The following TRMT2B variants were observed in gnomAD, a reference collection of about 807,000 sequenced individuals.
TRMT2B encodes tRNA (uracil-5-)-methyltransferase homolog B.
Under a neutral mutation model 39.7 loss-of-function variants are expected in TRMT2B, and 34 were observed. The ratio of observed to expected loss-of-function variants is 0.86; its 90% CI spans 0.65 to 1.14. The LOEUF (loss-of-function observed/expected upper bound fraction) is 1.14. Among genes scored for constraint, TRMT2B ranks in the 50% most tolerant of loss-of-function variants. TRMT2B has a pLI of 0.00. For synonymous variants in TRMT2B, 132 were observed against 137.3 expected (o/e 0.96, Z 0.27); for missense variants, 318 against 377.2 (o/e 0.84, Z 1.30).
chrX:101,036,866 C>G (rs1416645281), intron 6 of TRMT2B, 108 bp downstream of exon 6: 12 of 580,943 alleles, frequency 2.1e-5, no homozygotes, highest in Non-Finnish European at 3.2e-5. Flanking sequence ...TCAAAGACTT[C>G]CAATTTAATC....
At chrX:100,980,028 G>C in the TRMT2B span, among the ~76,000 whole-genome samples, 1 of 111,210 alleles carries the variant, frequency 9.0e-6, no homozygotes, top group African/African-American at 3.3e-5. Context: ...CGACCACTGA[G>C]ACTGTGCTGA....
intron 4 of TRMT2B, 132 bp from the exon 5 acceptor site, chrX:101,038,183 C>A (rs1175674497): frequency 2.0e-6 from 1 of 507,128 alleles, no homozygotes; most frequent in African/African-American, 2.4e-5. Context: ...GCCTGACCAA[C>A]ATGAAGAAAT....
chrX:101,030,643 T>G (rs1331680367), intron 7 of TRMT2B, among the ~76,000 whole-genome samples: 4 of 108,718 alleles, frequency 3.7e-5, no homozygotes, highest in Non-Finnish European at 7.6e-5. Flanking sequence ...AGATAGGGTT[T>G]CACCATGTTG....
Position 101,049,659 on chromosome X carries a change from G to A in TRMT2B, c.-24+1592C>T, listed in dbSNP as rs1466099718. Reference sequence around the variant, plus strand: ...ATATACAAAATTAGCTGGGTGTGGTGGCGCACGCCTATAATCCCAGCTACT... The same window carrying A: ...ATATACAAAATTAGCTGGGTGTGGTAGCGCACGCCTATAATCCCAGCTACT... On this transcript the variant is annotated intron_variant, in intron 2 of 13. Transcript: ENST00000372936. 9.1e-5 allele frequency among the ~76,000 whole-genome samples: 10 copies of A among 109,365 alleles called. No homozygotes were observed. The East Asian group carries it at 2.9e-3, about 31-fold the overall frequency. The allele number at this position is 109,365 out of a possible 115,157, so 95.0% of individuals were successfully genotyped here. A position where few individuals can be genotyped will look rare whatever the true frequency, so the allele number is the denominator to read the frequency against.
intron 5 of TRMT2B, 72 bp downstream of exon 5, chrX:101,037,845 C>T (rs2087931629): frequency 9.4e-7 from 1 of 1,062,503 alleles, no homozygotes; most frequent in Non-Finnish European, 1.3e-6. Context: ...AGCAAGTACC[C>T]AGTAAATATC....
chrX:100,996,968 T>A, the TRMT2B span, among the ~76,000 whole-genome samples: 1 of 111,870 alleles, frequency 8.9e-6, no homozygotes, highest in Non-Finnish European at 1.9e-5. Flanking sequence ...GGCCACTGTG[T>A]TTTGAACTAG....
chrX:101,048,119 C>CAT (rs1484143229), intron 2 of TRMT2B, among the ~76,000 whole-genome samples: 1 of 66,122 alleles, frequency 1.5e-5, no homozygotes, highest in Non-Finnish European at 3.1e-5. Context: ...CACATACACA[C>CAT]ACACACACAC....
intron 2 of TRMT2B, among the ~76,000 whole-genome samples, chrX:101,046,274 G>T (rs1331946653): frequency 8.9e-6 from 1 of 111,739 alleles, no homozygotes; most frequent in Admixed American, 9.7e-5. Flanking sequence ...AGAGCAAGAA[G>T]AGATGCTGGT....
In TRMT2B at chrX:101,019,179, A is replaced by G. The variant is rs187330738; in HGVS notation, c.1288+105T>C. 3.7e-4 allele frequency: 417 copies of G among 1,140,710 alleles called. 2 individuals carry two copies. The African/African-American group carries it at 6.8e-3, about 19-fold the overall frequency. The allele number at this position is 1,140,710 out of a possible 1,213,427, so 94.0% of individuals were successfully genotyped here. On this transcript the variant is annotated intron_variant, in intron 12 of 13. Coordinates refer to ENST00000372936, the MANE Select transcript of TRMT2B (RefSeq NM_024917.6). ...GATTGATTAGAAATAGAGGGGAAACAGGTTCAGAGCCAGCCCACTGGGAGC... is the reference window on the plus strand; with the variant it reads ...GATTGATTAGAAATAGAGGGGAAACGGGTTCAGAGCCAGCCCACTGGGAGC...
At chrX:101,038,078 G>A (rs779583995) in intron 4 of TRMT2B, 27 bp from the exon 5 acceptor site, 24 of 1,199,818 alleles carry the variant, frequency 2.0e-5, no homozygotes, top group African/African-American at 1.8e-5. Flanking sequence ...GCTATGAAAC[G>A]AAATACTGGC....
the TRMT2B span, chrX:100,974,311 G>C: frequency 1.3e-5 from 7 of 537,536 alleles, no homozygotes; most frequent in Middle Eastern, 3.2e-4. Flanking sequence ...CCCTCTTTTT[G>C]TGCATAAACA....
chrX:101,001,983 G>A, the TRMT2B span, among the ~76,000 whole-genome samples: 1 of 111,091 alleles, frequency 9.0e-6, no homozygotes. Context: ...TTGCTTTTTT[G>A]TTTTTAACTG....
At chrX:101,005,228 AC>A (rs1291679585), downstream of TRMT2B, among the ~76,000 whole-genome samples, 1 of 111,045 alleles carries the variant, frequency 9.0e-6, no homozygotes, top group Non-Finnish European at 1.9e-5. Context: ...CCCCATCTCT[AC>A]TAAAAATACA....
chrX:100,998,907 A>G, the TRMT2B span, among the ~76,000 whole-genome samples: 13 of 112,175 alleles, frequency 1.2e-4, no homozygotes, highest in African/African-American at 4.2e-4. Context: ...TGACCAAGAT[A>G]TAGCTCTTGT....
At chrX:101,020,748 C>T (rs1424958561) in intron 10 of TRMT2B, among the ~76,000 whole-genome samples, 160 bp from the exon 11 acceptor site, 1 of 112,296 alleles carries the variant, frequency 8.9e-6, no homozygotes, top group African/African-American at 3.2e-5. Flanking sequence ...CAGTTCACTG[C>T]AGCCTCGACC....
chrX:101,005,944 G>A (rs1489190988), downstream of TRMT2B, among the ~76,000 whole-genome samples: 1 of 103,186 alleles, frequency 9.7e-6, no homozygotes, highest in Non-Finnish European at 2.0e-5. Flanking sequence ...ATGTGGGCCA[G>A]GTGCGGTGGC....
At chrX:100,992,886 C>T in the TRMT2B span, among the ~76,000 whole-genome samples, 63 of 111,748 alleles carry the variant, frequency 5.6e-4, no homozygotes, top group African/African-American at 1.9e-3. Flanking sequence ...ATAACCCTTG[C>T]TCTACCCTAT....
the TRMT2B span, chrX:100,985,811 T>C: frequency 8.3e-7 from 1 of 1,211,671 alleles, no homozygotes; most frequent in East Asian, 3.0e-5. Flanking sequence ...GCCCATGGGC[T>C]TGTTTTCGTC....
intron 9 of TRMT2B, 109 bp downstream of exon 9, chrX:101,021,859 C>T: frequency 1.7e-6 from 1 of 587,026 alleles, no homozygotes; most frequent in Non-Finnish European, 2.9e-6. Context: ...GTACAAGGAC[C>T]AGAACCATTT....
Sources: gnomAD v4.1 joint callset for allele counts (sites outside exome capture counted in the v4.1 genomes callset) on GRCh38, gnomAD v4.1.1 for gene constraint, MANE v1.5 for transcripts, NCBI Gene and HGNC (gene_info 2026-07-23, HGNC 2026-07-21) for gene names.